The following ITPK1 variants were observed in gnomAD, a reference collection of about 807,000 sequenced individuals.
ITPK1 encodes the protein inositol 1,3,4-trisphosphate 5/6-kinase.
In ITPK1, 21 loss-of-function variants were observed where a neutral mutation model predicts 45.3. That is an observed-to-expected ratio of 0.46 (90% CI 0.33 to 0.67). The LOEUF (loss-of-function observed/expected upper bound fraction) is 0.67, where lower values mean the gene tolerates loss of function less well. Ranked by LOEUF, ITPK1 falls within the 30% of genes least tolerant of loss-of-function variation. The pLI, the probability that ITPK1 is intolerant of heterozygous loss-of-function variation, is 0.02. For synonymous variants in ITPK1, 258 were observed against 253.6 expected, an observed-to-expected ratio of 1.02 and a Z score of -0.16; for missense variants, 474 against 573.5, an observed-to-expected ratio of 0.83 and a Z score of 1.77.
chr14:93,067,844 G>A (rs1211283840), intron 3 of ITPK1: 1 of 153,110 alleles, frequency 6.5e-6, no homozygotes, highest in Non-Finnish European at 1.5e-5. Context: ...TAAGCAAATA[G>A]TAAATGATGG....
intron 2 of ITPK1, among the ~76,000 whole-genome samples, chr14:93,101,230 T>C (rs953156045): frequency 1.3e-5 from 2 of 152,330 alleles, no homozygotes; most frequent in Middle Eastern, 3.4e-3. Context: ...TCTACATGTG[T>C]GACCCTGCAA....
chr14:92,953,118 C>T (rs563711287), intron 8 of ITPK1, among the ~76,000 whole-genome samples: 3 of 152,376 alleles, frequency 2.0e-5, no homozygotes, highest in South Asian at 2.1e-4. Flanking sequence ...GTGCTGGGGG[C>T]CATGCCAATG....
chr14:92,999,412 C>T (rs1176435445), intron 4 of ITPK1, among the ~76,000 whole-genome samples: 2 of 152,256 alleles, frequency 1.3e-5, no homozygotes, highest in Non-Finnish European at 2.9e-5. Flanking sequence ...TCACTCAGGA[C>T]CCAGGGGCTG....
rs772113987 is a variant in ITPK1, at chr14:92,958,213, C to A, written c.658G>T (p.Ala220Ser). ...GAAGAGCAGTTACCTGATGTGCCTG[C>A]GGAGAAGTTCTTGAGTGAGGGCCTC... Reference protein sequence around the residue: ...VQRPSLKNFSAGTSDRESIFF... With the variant: ...VQRPSLKNFSSGTSDRESIFF... Residue 220 changes from alanine to serine, a missense_variant, in exon 8 of 11, where the codon GCA (alanine) becomes TCA (serine). By Grantham distance (99) the Ala-to-Ser change is moderately conservative (BLOSUM62 1). This residue lies in a region of ITPK1 where 367 missense variants were observed against 480.6 expected (regional missense o/e 0.76). Transcript: ENST00000267615. The surrounding 1 kb of genome is among the most constrained non-coding windows in gnomAD (Gnocchi z 4.4). 11 of 1,613,974 alleles carry A rather than the reference C, an allele frequency of 6.8e-6. No individual in the cohort carries two copies. Among genetic ancestry groups the A allele is most frequent in the African/African-American group, 1.3e-5 (1 of 74,898 alleles).
chr14:93,050,360 A>G (rs910591172), intron 3 of ITPK1, among the ~76,000 whole-genome samples: 3 of 152,070 alleles, frequency 2.0e-5, no homozygotes, highest in Non-Finnish European at 4.4e-5. Flanking sequence ...AAGCCCCCGA[A>G]TATGTCCTGT....
chr14:93,098,492 G>T (rs569531578), intron 2 of ITPK1, among the ~76,000 whole-genome samples: 1 of 151,788 alleles, frequency 6.6e-6, no homozygotes, highest in African/African-American at 2.4e-5. Context: ...GCCGGGCGTG[G>T]TGGTGGGCGC....
In ITPK1 at chr14:92,978,940, G is replaced by A. The variant is rs970049274; in HGVS notation, c.364+14940C>T. On this transcript the variant is annotated intron_variant, in intron 5 of 10. Transcript: ENST00000267615. ...GCCACCATCCTCCAGATCCCAGAATGACAGATCCACCGAGAGCTTATACTG... is the reference window on the plus strand; with the variant it reads ...GCCACCATCCTCCAGATCCCAGAATAACAGATCCACCGAGAGCTTATACTG... 2.6e-5 allele frequency among the ~76,000 whole-genome samples: 4 copies of A among 151,658 alleles called. No homozygotes were observed. The East Asian group carries it at 7.8e-4, about 29-fold the overall frequency.
intron 10 of ITPK1, among the ~76,000 whole-genome samples, chr14:92,943,087 G>A (rs763305938): frequency 1.4e-4 from 21 of 152,372 alleles, no homozygotes; most frequent in South Asian, 2.1e-4. Flanking sequence ...GCAGGTGCCC[G>A]CGGTGGAAAT....
intron 4 of ITPK1, among the ~76,000 whole-genome samples, chr14:92,997,289 G>A (rs183949894): frequency 9.8e-5 from 15 of 152,314 alleles, no homozygotes; most frequent in East Asian, 3.9e-4. Flanking sequence ...ATGTTTATGC[G>A]TTAGGACAGT....
rs561633833 is a variant in ITPK1 at position 93,023,036 on chromosome 14, C to CTTGT, written c.121-6239_121-6236dup. 1.8e-3 allele frequency among the ~76,000 whole-genome samples: 270 copies of CTTGT among 151,862 alleles called. 1 individual carries two copies. Among genetic ancestry groups the CTTGT allele is most frequent in the Middle Eastern group, 0.014 (4 of 294 alleles). ...TATAGCAGCCCCTTTTCTGTTTTTG[C>CTTGT]TTGTTTGTTTGTTTGTTTTGTAGAG... On this transcript the variant is annotated intron_variant, in intron 3 of 10. Coordinates refer to ENST00000267615, the MANE Select transcript of ITPK1 (RefSeq NM_014216.6).
At chr14:93,066,399 T>C (rs1412734128) in intron 3 of ITPK1, 10 of 353,616 alleles carry the variant, frequency 2.8e-5, no homozygotes, top group Admixed American at 1.9e-4. Flanking sequence ...AGGTGACATT[T>C]AGCAATTCTT....
At chr14:93,092,679 G>C (rs1055546726) in intron 2 of ITPK1, among the ~76,000 whole-genome samples, 1 of 152,262 alleles carries the variant, frequency 6.6e-6, no homozygotes. Context: ...GGAGGCCAGG[G>C]ATGCCGTTGG....
At chr14:92,963,290 T>C (rs1885186047) in intron 5 of ITPK1, among the ~76,000 whole-genome samples, 2 of 152,224 alleles carry the variant, frequency 1.3e-5, no homozygotes, top group Admixed American at 1.3e-4. Flanking sequence ...ACTGGCTTAA[T>C]AATAATCGCA....
chr14:93,081,922 G>A (rs1891449648), intron 2 of ITPK1, among the ~76,000 whole-genome samples: 1 of 152,206 alleles, frequency 6.6e-6, no homozygotes. Flanking sequence ...CACCACTGGA[G>A]CGTGTCAAAA....
chr14:93,061,718 A>C (rs549725840), intron 3 of ITPK1, among the ~76,000 whole-genome samples: 1 of 152,346 alleles, frequency 6.6e-6, no homozygotes, highest in Non-Finnish European at 1.5e-5. Flanking sequence ...CAACTTACTT[A>C]TGTAACCCAA....
chr14:93,069,899 A>T (rs1249755777), intron 3 of ITPK1: 1 of 152,182 alleles, frequency 6.6e-6, no homozygotes, highest in African/African-American at 2.4e-5. Context: ...GGACAGAAAG[A>T]CGTATGCCCA....
At chr14:93,105,576 C>A (rs1423181237) in intron 2 of ITPK1, among the ~76,000 whole-genome samples, 1 of 147,200 alleles carries the variant, frequency 6.8e-6, no homozygotes, top group African/African-American at 2.5e-5. Flanking sequence ...GGCTGGACTG[C>A]AGTGACGCAA....
At chr14:93,064,750 C>A (rs559523538) in intron 3 of ITPK1, among the ~76,000 whole-genome samples, 1 of 152,366 alleles carries the variant, frequency 6.6e-6, no homozygotes, top group South Asian at 2.1e-4. Context: ...CCAGGGCAAT[C>A]AGGTCCCTGA....
rs1470440094 is a variant in ITPK1, at chr14:93,063,330, G to A, written c.120+13265C>T. Among the ~76,000 whole-genome samples the A allele has an allele frequency of 1.3e-5, 2 of 152,190 alleles. No homozygotes were observed. Among genetic ancestry groups the A allele is most frequent in the African/African-American group, 4.8e-5 (2 of 41,440 alleles). ...TCCCCCACCCACCTGAGATGGCAGAGACCCACAGTGGAGGCCAAACTCCTG... is the reference window on the plus strand; with the variant it reads ...TCCCCCACCCACCTGAGATGGCAGAAACCCACAGTGGAGGCCAAACTCCTG... On this transcript the variant is annotated intron_variant, in intron 3 of 10. Transcript: ENST00000267615. The surrounding 1 kb of genome is among the most constrained non-coding windows in gnomAD (Gnocchi z 4.3).
Sources: gnomAD v4.1 joint callset for allele counts (sites outside exome capture counted in the v4.1 genomes callset) on GRCh38, gnomAD v4.1.1 for gene constraint, gnomAD v4.1.1 regional missense constraint, Gnocchi (gnomAD v3.1) non-coding constraint, MANE v1.5 for transcripts, NCBI Gene and HGNC (gene_info 2026-07-23, HGNC 2026-07-21) for gene names.